KCNIP4: variants seen among roughly 807,000 people sequenced by gnomAD.
KCNIP4 encodes Kv channel-interacting protein 4.
KCNIP4 carries 12 observed loss-of-function variants against 34.0 expected under a neutral mutation model. The ratio of observed to expected loss-of-function variants is 0.35; its 90% CI spans 0.23 to 0.57. The LOEUF (loss-of-function observed/expected upper bound fraction) is 0.57. Among genes scored for constraint, KCNIP4 ranks in the 20% least tolerant of loss-of-function variants. The pLI, the probability that KCNIP4 is intolerant of heterozygous loss-of-function variation, is 0.83. For missense variants in KCNIP4, 238 were observed against 311.7 expected (o/e 0.76, Z 1.78); for synonymous variants, 124 against 102.2 (o/e 1.21, Z -1.29).
At chr4:21,746,508 C>A (rs1377436219) in intron 1 of KCNIP4, among the ~76,000 whole-genome samples, 2 of 151,628 alleles carry the variant, frequency 1.3e-5, no homozygotes, top group Admixed American at 6.6e-5. Context: ...ATCTGACAAA[C>A]CATTTTGGGA....
chr4:21,818,879 T>C (rs1484507035), intron 1 of KCNIP4, among the ~76,000 whole-genome samples: 1 of 151,160 alleles, frequency 6.6e-6, no homozygotes, highest in Admixed American at 6.6e-5. Flanking sequence ...AACAAAACAC[T>C]TTTTTTTCTA....
chr4:21,794,785 A>T (rs1720518312), intron 1 of KCNIP4, among the ~76,000 whole-genome samples: 1 of 152,136 alleles, frequency 6.6e-6, no homozygotes, highest in Admixed American at 6.5e-5. Flanking sequence ...AGGCTGAAGC[A>T]GGGGAATTTA....
chr4:21,019,283 G>C (rs1346565740), intron 1 of KCNIP4, among the ~76,000 whole-genome samples: 1 of 152,124 alleles, frequency 6.6e-6, no homozygotes, highest in Non-Finnish European at 1.5e-5. Context: ...AACTTCCTGA[G>C]TAGCTGGGAT....
chr4:21,192,798 G>T (rs1481173468), intron 1 of KCNIP4, among the ~76,000 whole-genome samples: 2 of 151,960 alleles, frequency 1.3e-5, no homozygotes, highest in African/African-American at 4.8e-5. Flanking sequence ...ACTCATGCCT[G>T]TAATCCCAGC....
intron 1 of KCNIP4, among the ~76,000 whole-genome samples, chr4:20,965,969 T>C (rs1313929734): frequency 6.6e-6 from 1 of 152,210 alleles, no homozygotes; most frequent in Non-Finnish European, 1.5e-5. Context: ...TCTGTTGTCA[T>C]GAAGAAATGC....
chr4:20,741,464 T>C (rs1261261472), intron 5 of KCNIP4, among the ~76,000 whole-genome samples: 1 of 152,216 alleles, frequency 6.6e-6, no homozygotes, highest in African/African-American at 2.4e-5. Context: ...TGCTCCTGAA[T>C]GACCACTGGG....
chr4:21,347,976 A>T (rs888236446), intron 1 of KCNIP4, among the ~76,000 whole-genome samples: 2 of 152,214 alleles, frequency 1.3e-5, no homozygotes, highest in South Asian at 4.1e-4. Flanking sequence ...ATGTAGACTT[A>T]GGAGTCATGC....
At chr4:21,827,304 G>T (rs559265312) in intron 1 of KCNIP4, among the ~76,000 whole-genome samples, 1 of 151,998 alleles carries the variant, frequency 6.6e-6, no homozygotes, top group Non-Finnish European at 1.5e-5. Flanking sequence ...CATCTAAAAT[G>T]CATCCTTAGT....
chr4:21,889,612 C>A (rs375717384), intron 1 of KCNIP4, among the ~76,000 whole-genome samples: 3 of 151,962 alleles, frequency 2.0e-5, no homozygotes, highest in African/African-American at 7.2e-5. Context: ...AGCTTAAGTA[C>A]GAAAAGGGTT....
intron 1 of KCNIP4, among the ~76,000 whole-genome samples, chr4:21,193,629 T>G (rs888188137): frequency 4.7e-5 from 7 of 147,384 alleles, no homozygotes; most frequent in African/African-American, 1.8e-4. Flanking sequence ...TGGAGTGCAG[T>G]GGCGCAATCT....
At chr4:21,822,740 T>TG (rs1352886102) in intron 1 of KCNIP4, among the ~76,000 whole-genome samples, 1 of 138,074 alleles carries the variant, frequency 7.2e-6, no homozygotes, top group African/African-American at 2.7e-5. Flanking sequence ...TTTTTTGAGA[T>TG]GGAGTTTCAC....
intron 1 of KCNIP4, among the ~76,000 whole-genome samples, chr4:21,370,444 A>G (rs1720227468): frequency 6.8e-6 from 1 of 146,336 alleles, no homozygotes; most frequent in Non-Finnish European, 1.5e-5. Flanking sequence ...TCTGGGAGGG[A>G]GACACCCAAA....
At chr4:21,238,333 CCT>C (rs1560203814) in intron 1 of KCNIP4, among the ~76,000 whole-genome samples, 2 of 152,086 alleles carry the variant, frequency 1.3e-5, no homozygotes, top group Non-Finnish European at 2.9e-5. Context: ...ACAGGGATGC[CCT>C]CTCTCACCAC....
intron 3 of KCNIP4, among the ~76,000 whole-genome samples, chr4:20,849,550 C>A (rs1420677881): frequency 6.6e-6 from 1 of 152,054 alleles, no homozygotes; most frequent in Non-Finnish European, 1.5e-5. Flanking sequence ...TTGTGGTGGT[C>A]AGATGTGAAG....
At chr4:21,078,544 T>C (rs958299629) in intron 1 of KCNIP4, among the ~76,000 whole-genome samples, 1 of 152,022 alleles carries the variant, frequency 6.6e-6, no homozygotes, top group Admixed American at 6.6e-5. Flanking sequence ...TCTACCCTCA[T>C]GATCTAACTA....
At chr4:21,521,214 T>A (rs562234593) in intron 1 of KCNIP4, among the ~76,000 whole-genome samples, 2 of 152,292 alleles carry the variant, frequency 1.3e-5, no homozygotes, top group East Asian at 3.9e-4. Flanking sequence ...GATACACTTT[T>A]CTCAATATTA....
intron 1 of KCNIP4, among the ~76,000 whole-genome samples, chr4:21,222,666 CTTAGA>C (rs1482824412): frequency 1.3e-5 from 2 of 152,128 alleles, no homozygotes; most frequent in Non-Finnish European, 2.9e-5. Flanking sequence ...TGTGTCTTTG[CTTAGA>C]TAAGTCTTCC....
intron 2 of KCNIP4, among the ~76,000 whole-genome samples, chr4:20,851,541 A>G (rs947356157): frequency 2.6e-5 from 4 of 152,132 alleles, no homozygotes; most frequent in Non-Finnish European, 5.9e-5. Context: ...TCCTTTGGGT[A>G]TATACCCGGT....
intron 1 of KCNIP4, among the ~76,000 whole-genome samples, chr4:21,448,920 C>A (rs959464099): frequency 3.3e-5 from 5 of 152,172 alleles, no homozygotes; most frequent in African/African-American, 1.2e-4. Context: ...CCAGCCTGGA[C>A]TGAAACGGAG....
Sources: gnomAD v4.1 joint callset for allele counts (sites outside exome capture counted in the v4.1 genomes callset) on GRCh38, gnomAD v4.1.1 for gene constraint, MANE v1.5 for transcripts, NCBI Gene and HGNC (gene_info 2026-07-23, HGNC 2026-07-21) for gene names.